HSDL2: variants seen among roughly 807,000 people sequenced by gnomAD.
The protein encoded by HSDL2 is hydroxysteroid dehydrogenase like 2.
Under a neutral mutation model 46.3 loss-of-function variants are expected in HSDL2, and 27 were observed. The ratio of observed to expected loss-of-function variants is 0.58; its 90% CI spans 0.43 to 0.80. HSDL2 has a LOEUF of 0.80. Ranked by LOEUF, HSDL2 falls within the 30% of genes least tolerant of loss-of-function variation. HSDL2 has a pLI of 0.00. For missense variants in HSDL2, 451 were observed against 502.7 expected (o/e 0.90, Z 0.98); for synonymous variants, 153 against 163.6 (o/e 0.94, Z 0.50).
At chr9:112,435,957 T>G (rs1383005668) in intron 6 of HSDL2, among the ~76,000 whole-genome samples, 2 of 151,838 alleles carry the variant, frequency 1.3e-5, no homozygotes, top group Non-Finnish European at 2.9e-5. Flanking sequence ...GAGCTCTTGC[T>G]CTTGATCTGT....
At chr9:112,470,201 A>C (rs1833532853) in intron 10 of HSDL2, among the ~76,000 whole-genome samples, 1 of 152,210 alleles carries the variant, frequency 6.6e-6, no homozygotes, top group African/African-American at 2.4e-5. Flanking sequence ...CATTTGCTAT[A>C]ATCTTTTGCT....
Position 112,401,066 on chromosome 9 carries a change from G to A in HSDL2, c.18-2929G>A, listed in dbSNP as rs116447071. Among the ~76,000 whole-genome samples the A allele has an allele frequency of 2.7e-3, 416 of 152,222 alleles. 2 individuals are homozygous for A. Among genetic ancestry groups the A allele is most frequent in the African/African-American group, 9.6e-3 (398 of 41,534 alleles). On this transcript the variant is annotated intron_variant, in intron 1 of 10. Transcript: ENST00000398805. ...CGGGGTTATCTTCCTGTTATTGATT[G>A]ATAACATCCCTTGCTGTTATCTTAA...
chr9:112,386,810 C>A (rs999303545), intron 1 of HSDL2, among the ~76,000 whole-genome samples: 1 of 152,022 alleles, frequency 6.6e-6, no homozygotes. Context: ...GATTTCTACA[C>A]GAGCAAAAAT....
At chr9:112,414,639 T>G (rs1156256436) in intron 4 of HSDL2, among the ~76,000 whole-genome samples, 1 of 152,196 alleles carries the variant, frequency 6.6e-6, no homozygotes, top group Non-Finnish European at 1.5e-5. Context: ...AGCTCTTTCC[T>G]TTGAGTGTAA....
intron 6 of HSDL2, among the ~76,000 whole-genome samples, chr9:112,436,594 T>C (rs2132667980): frequency 6.6e-6 from 1 of 152,222 alleles, no homozygotes; most frequent in African/African-American, 2.4e-5. Context: ...ATTTTAACAA[T>C]ATATGGAAAT....
Position 112,447,950 on chromosome 9 carries a change from G to T in HSDL2, c.866-6063G>T, listed in dbSNP as rs183805397. On this transcript the variant is annotated intron_variant, in intron 8 of 10. Transcript: ENST00000398805. ...TTTTTAAAGACATCTAATAGTTTTT[G>T]AGAGAGCGTGAGTACTCATTGAAAG... 1.6e-3 allele frequency among the ~76,000 whole-genome samples: 246 copies of T among 152,282 alleles called. 1 individual carries two copies. Among genetic ancestry groups the T allele is most frequent in the African/African-American group, 5.8e-3 (241 of 41,544 alleles).
chr9:112,464,246 A>G (rs1326370583), intron 10 of HSDL2, among the ~76,000 whole-genome samples: 1 of 92,660 alleles, frequency 1.1e-5, no homozygotes, highest in African/African-American at 3.8e-5. Flanking sequence ...ACACACACAC[A>G]CACACACACA....
intron 4 of HSDL2, among the ~76,000 whole-genome samples, chr9:112,413,809 T>C (rs1019566117): frequency 2.6e-5 from 4 of 152,176 alleles, no homozygotes; most frequent in Admixed American, 1.3e-4. Flanking sequence ...GCAGAAAGGG[T>C]ATACTTGCCA....
chr9:112,396,386 T>C (rs1003719376), intron 1 of HSDL2, among the ~76,000 whole-genome samples: 6 of 152,158 alleles, frequency 3.9e-5, no homozygotes, highest in Non-Finnish European at 1.5e-5. Flanking sequence ...CCTCACACTT[T>C]TTTCCTTGAA....
intron 6 of HSDL2, among the ~76,000 whole-genome samples, chr9:112,427,891 C>T (rs1832288961): frequency 6.6e-6 from 1 of 152,170 alleles, no homozygotes; most frequent in Admixed American, 6.6e-5. Flanking sequence ...ATTGGGGATA[C>T]TTCTTTGGCC....
chr9:112,437,660 T>C (rs1832557190), intron 6 of HSDL2, among the ~76,000 whole-genome samples: 1 of 152,144 alleles, frequency 6.6e-6, no homozygotes. Flanking sequence ...ATGCTGATGT[T>C]TTAAGCCTCA....
At chr9:112,469,277 A>G (rs1030138126) in intron 10 of HSDL2, among the ~76,000 whole-genome samples, 10 of 152,046 alleles carry the variant, frequency 6.6e-5, no homozygotes, top group African/African-American at 1.2e-4. Flanking sequence ...TTTCTCTGCA[A>G]AGAACCTGTG....
chr9:112,421,215 T>C (rs1832115363), intron 6 of HSDL2, among the ~76,000 whole-genome samples: 1 of 152,136 alleles, frequency 6.6e-6, no homozygotes, highest in Non-Finnish European at 1.5e-5. Context: ...TGGTCACAGC[T>C]TCTCGTGAGG....
chr9:112,435,228 T>TCACA, intron 6 of HSDL2, among the ~76,000 whole-genome samples: 1 of 150,324 alleles, frequency 6.7e-6, no homozygotes, highest in East Asian at 1.9e-4. Context: ...CTATAGACAC[T>TCACA]CACACACACA....
chr9:112,420,428 T>A (rs775304871), intron 6 of HSDL2, among the ~76,000 whole-genome samples: 4 of 151,872 alleles, frequency 2.6e-5, no homozygotes, highest in Non-Finnish European at 4.4e-5. Flanking sequence ...CCTAGCACTT[T>A]GGGAGGCTGA....
At chr9:112,423,243 TAAGAG>T (rs959366720) in intron 6 of HSDL2, among the ~76,000 whole-genome samples, 42 of 152,212 alleles carry the variant, frequency 2.8e-4, no homozygotes, top group Admixed American at 1.2e-3. Context: ...AGAGACAAGA[TAAGAG>T]AAAAGTTTAA....
At chr9:112,383,928 C>T (rs1298969040) in intron 1 of HSDL2, among the ~76,000 whole-genome samples, 1 of 152,162 alleles carries the variant, frequency 6.6e-6, no homozygotes, top group African/African-American at 2.4e-5. Flanking sequence ...TCTCAAACTC[C>T]TGGGCTCAAG....
chr9:112,385,150 A>G (rs979632146), intron 1 of HSDL2, among the ~76,000 whole-genome samples: 2 of 152,092 alleles, frequency 1.3e-5, no homozygotes, highest in Non-Finnish European at 2.9e-5. Context: ...TATTTTATGT[A>G]TACTACCTTT....
chr9:112,463,853 G>A (rs1418742481), intron 10 of HSDL2, among the ~76,000 whole-genome samples: 1 of 151,676 alleles, frequency 6.6e-6, no homozygotes, highest in Non-Finnish European at 1.5e-5. Context: ...TAGAGACGGG[G>A]TTTCACCATG....
Sources: allele counts gnomAD v4.1 joint callset (sites outside exome capture counted in the v4.1 genomes callset), GRCh38; gene constraint gnomAD v4.1.1; transcripts MANE v1.5; gene names NCBI Gene and HGNC (gene_info 2026-07-23, HGNC 2026-07-21).